PDE1A: variants seen among roughly 807,000 people sequenced by gnomAD.
The protein encoded by PDE1A is dual specificity calcium/calmodulin-dependent 3',5'-cyclic nucleotide phosphodiesterase 1A.
PDE1A carries 35 observed loss-of-function variants against 61.7 expected under a neutral mutation model. The ratio of observed to expected loss-of-function variants is 0.57; its 90% confidence interval spans 0.43 to 0.75. PDE1A has a LOEUF of 0.75. Among genes scored for constraint, PDE1A ranks in the 30% least tolerant of loss-of-function variants. PDE1A has a pLI of 0.00. For synonymous variants in PDE1A, 232 were observed against 213.2 expected (o/e 1.09, Z -0.77); for missense variants, 597 against 630.6 (o/e 0.95, Z 0.57).
chr2:182,382,154 G>T (rs1489371921), intron 1 of PDE1A, among the ~76,000 whole-genome samples: 1 of 152,126 alleles, frequency 6.6e-6, no homozygotes, highest in Admixed American at 6.5e-5. Flanking sequence ...ATATTACTCT[G>T]CTATGTTATA....
intron 2 of PDE1A, among the ~76,000 whole-genome samples, chr2:182,434,819 T>A (rs1332960017): frequency 6.6e-6 from 1 of 152,054 alleles, no homozygotes; most frequent in African/African-American, 2.4e-5. Context: ...GATTTGTGTA[T>A]CAGACTCAGT....
At chr2:182,323,931 C>T (rs912762818) in intron 1 of PDE1A, among the ~76,000 whole-genome samples, 11 of 152,102 alleles carry the variant, frequency 7.2e-5, no homozygotes, top group African/African-American at 2.7e-4. Context: ...GGCTGTGCAG[C>T]CTTTTCAGGC....
chr2:182,462,312 A>C (rs771517449), intron 2 of PDE1A, among the ~76,000 whole-genome samples: 40 of 151,632 alleles, frequency 2.6e-4, no homozygotes, highest in Non-Finnish European at 3.2e-4. Context: ...AATAAAAAAA[A>C]GAATAGACAT....
chr2:182,502,018 G>A (rs58580997), intron 2 of PDE1A, among the ~76,000 whole-genome samples: 11,270 of 152,124 alleles, frequency 0.074, 1,360 homozygotes, highest in African/African-American at 0.26. Flanking sequence ...CTTTAAATAC[G>A]ACACCGCTGG....
chr2:182,426,912 G>A (rs575905010), exon 1 of PDE1A: 13 of 1,197,998 alleles, frequency 1.1e-5, no homozygotes, highest in African/African-American at 3.1e-5. Context: ...AGAAGTGCAC[G>A]GGACCCTCCG....
intron 1 of PDE1A, among the ~76,000 whole-genome samples, chr2:182,353,897 A>G (rs1699029341): frequency 6.6e-6 from 1 of 152,162 alleles, no homozygotes; most frequent in African/African-American, 2.4e-5. Flanking sequence ...GAAGTAGTAT[A>G]TAGAAACCTG....
chr2:182,252,521 AGAGTAAAGTTT>A (rs1275530615), intron 2 of PDE1A, among the ~76,000 whole-genome samples: 8 of 151,908 alleles, frequency 5.3e-5, no homozygotes, highest in Non-Finnish European at 8.8e-5. Flanking sequence ...TAAAGTTTCC[AGAGTAAAGTTT>A]CCATTCCTGT....
chr2:182,525,942 G>A (rs941925335), upstream of PDE1A, among the ~76,000 whole-genome samples: 1 of 151,936 alleles, frequency 6.6e-6, no homozygotes, highest in Non-Finnish European at 1.5e-5. Context: ...TAATTAATGA[G>A]AAAAATCAGA....
chr2:182,354,041 C>G (rs189446275), intron 1 of PDE1A, among the ~76,000 whole-genome samples: 31 of 152,174 alleles, frequency 2.0e-4, no homozygotes, highest in African/African-American at 6.7e-4. Flanking sequence ...CTTTCACGAA[C>G]GAGATCTCCT....
At chr2:182,562,756 A>C in the PDE1A span, among the ~76,000 whole-genome samples, 1 of 152,112 alleles carries the variant, frequency 6.6e-6, no homozygotes, top group African/African-American at 2.4e-5. Context: ...CTATTCAGAG[A>C]TTCAACTTCT....
At chr2:182,670,328 A>C in the PDE1A span, among the ~76,000 whole-genome samples, 172 of 152,268 alleles carry the variant, frequency 1.1e-3, no homozygotes, top group Non-Finnish European at 2.2e-3. Context: ...TTGCACACTA[A>C]AGACTCCTAG....
At chr2:182,601,517 T>C in the PDE1A span, among the ~76,000 whole-genome samples, 1 of 152,236 alleles carries the variant, frequency 6.6e-6, no homozygotes, top group South Asian at 2.1e-4. Flanking sequence ...GTTACAGATC[T>C]TCTAGACTTG....
chr2:182,319,723 A>G (rs1696578995), intron 1 of PDE1A, among the ~76,000 whole-genome samples: 1 of 152,188 alleles, frequency 6.6e-6, no homozygotes, highest in African/African-American at 2.4e-5. Context: ...AGCTGCCCAG[A>G]ATGACTTCAG....
At chr2:182,701,564 T>C in the PDE1A span, among the ~76,000 whole-genome samples, 2,174 of 151,832 alleles carry the variant, frequency 0.014, 34 homozygotes, top group East Asian at 0.08. Flanking sequence ...TATTTTATAG[T>C]AGAGACGGGG....
At chr2:182,431,695 G>A (rs1449813215), upstream of PDE1A, among the ~76,000 whole-genome samples, 1 of 152,072 alleles carries the variant, frequency 6.6e-6, no homozygotes, top group Admixed American at 6.6e-5. Flanking sequence ...ACATGATAGA[G>A]CTGGGATTTG....
intron 10 of PDE1A, among the ~76,000 whole-genome samples, chr2:182,189,614 T>C (rs1685520366): frequency 1.3e-5 from 2 of 152,234 alleles, no homozygotes; most frequent in African/African-American, 4.8e-5. Context: ...CTTATTTTAA[T>C]GTTTTCTTCT....
At chr2:182,508,389 T>A (rs1051671060) in intron 2 of PDE1A, among the ~76,000 whole-genome samples, 1 of 150,516 alleles carries the variant, frequency 6.6e-6, no homozygotes, top group Non-Finnish European at 1.5e-5. Context: ...TTAGCCAGAC[T>A]AACCAGATAA....
At chr2:182,241,920 A>G in intron 2 of PDE1A, 1 of 1,529,076 alleles carries the variant, frequency 6.5e-7, no homozygotes, top group Non-Finnish European at 8.7e-7. Context: ...CCCATTTGAA[A>G]TTAGATTCCC....
intron 13 of PDE1A, among the ~76,000 whole-genome samples, chr2:182,148,924 T>C (rs1475146889): frequency 6.6e-6 from 1 of 152,108 alleles, no homozygotes; most frequent in African/African-American, 2.4e-5. Context: ...CTTTTTTTTT[T>C]CAAGCTCAGT....
Sources: gnomAD v4.1 joint callset for allele counts (sites outside exome capture counted in the v4.1 genomes callset) on GRCh38, gnomAD v4.1.1 for gene constraint, MANE v1.5 for transcripts, NCBI Gene and HGNC (gene_info 2026-07-23, HGNC 2026-07-21) for gene names.